CFAP74: variants seen among roughly 807,000 people sequenced by gnomAD.
CFAP74 encodes the protein cilia- and flagella-associated protein 74.
A neutral mutation model predicts 188.9 loss-of-function variants in CFAP74; 124 were observed. The ratio of observed to expected loss-of-function variants is 0.66; its 90% CI spans 0.57 to 0.76. The LOEUF (loss-of-function observed/expected upper bound fraction) is 0.76, where lower values mean the gene tolerates loss of function less well. CFAP74 is among the 30% of genes least tolerant of loss of function. The pLI is 0.00. For synonymous variants in CFAP74, 956 were observed against 916.7 expected (o/e 1.04, Z -0.77); for missense variants, 2,198 against 2,165.2 (o/e 1.02, Z -0.30).
At position 1,973,876 on chromosome 1, in the gene CFAP74, G is replaced by A; in HGVS notation, c.674+149C>T. ...GGAAGGACTCAAGGGCCCGGTGGAGGAGCAAGCTGGGAGGAGGCAGGGAGG... is the reference window on the plus strand; with the variant it reads ...GGAAGGACTCAAGGGCCCGGTGGAGAAGCAAGCTGGGAGGAGGCAGGGAGG... On this transcript the variant is annotated intron_variant, in intron 7 of 38. Coordinates refer to ENST00000682832, the MANE Select transcript of CFAP74 (RefSeq NM_001304360.2). The surrounding 1 kb of genome is among the most constrained non-coding windows in gnomAD (Gnocchi z 6.2). 1 of 700,318 alleles carries A rather than the reference G, an allele frequency of 1.4e-6. No homozygotes were observed. Among genetic ancestry groups the A allele is most frequent in the South Asian group, 2.7e-5 (1 of 36,904 alleles). 43.4% of individuals were successfully genotyped at this position (700,318 alleles called of 1,614,324 possible).
chr1:1,993,816 A>G (rs919403540), intron 1 of CFAP74, among the ~76,000 whole-genome samples: 1 of 93,606 alleles, frequency 1.1e-5, no homozygotes, highest in Non-Finnish European at 2.3e-5. Context: ...CCCCACCTCT[A>G]CTAAAAATAC....
intron 24 of CFAP74, 132 bp downstream of exon 24, chr1:1,939,462 G>A (rs1570861898): frequency 1.2e-6 from 1 of 863,316 alleles, no homozygotes. Context: ...AGGTGTGGAG[G>A]GGTGCAGCTG....
In CFAP74 at chr1:1,930,348, A is replaced by G. The variant is rs1039043108; in HGVS notation, c.3012-12T>C. On this transcript the variant is annotated splice_polypyrimidine_tract_variant and intron_variant, in intron 25 of 38. Transcript: ENST00000682832. ...ACAGCTTGAAGCACCTGCAAGCAGC[A>G]GCATGGGAGGCCCTCAGCCGTGCAG... 9.3e-6 allele frequency: 14 copies of G among 1,512,088 alleles called. No homozygotes were observed. The highest frequency in any genetic ancestry group is 3.4e-4 in the Middle Eastern group (2 of 5,884). 93.7% of individuals were successfully genotyped at this position (1,512,088 alleles called of 1,614,324 possible).
At chr1:1,992,027 G>A (rs557104466) in intron 1 of CFAP74, among the ~76,000 whole-genome samples, 243 of 145,864 alleles carry the variant, frequency 1.7e-3, no homozygotes, top group African/African-American at 6.0e-3. Context: ...GTGACAGAGC[G>A]AGACTCCGTC....
In CFAP74 at chr1:1,942,847, G is replaced by T. The variant is rs1217510543; in HGVS notation, c.2487-691C>A. ...ACAGCTGCCCCGGGCAATCCACGAG[G>T]GGGGACCCAGAGGGTGTGGCAGTGA... On this transcript the variant is annotated intron_variant, in intron 21 of 38. Coordinates refer to ENST00000682832, the MANE Select transcript of CFAP74 (RefSeq NM_001304360.2). The surrounding 1 kb of genome is among the most constrained non-coding windows in gnomAD (Gnocchi z 4.3). Among the ~76,000 whole-genome samples, 1 of 152,162 alleles carries T rather than the reference G, an allele frequency of 6.6e-6. No homozygotes were observed. The highest frequency in any genetic ancestry group is 1.5e-5 in the Non-Finnish European group (1 of 68,022).
In CFAP74 at chr1:1,986,958, G is replaced by A. The variant is rs1265562928; in HGVS notation, c.374C>T (p.Thr125Ile). The A allele has an allele frequency of 2.5e-6, 4 of 1,601,918 alleles. No individual in the cohort carries two copies. Among genetic ancestry groups the A allele is most frequent in the Middle Eastern group, 1.7e-4 (1 of 6,052 alleles). Residue 125 changes from threonine to isoleucine, a missense_variant, in exon 5 of 39, where the codon ACA becomes ATA. Coordinates refer to ENST00000682832, the MANE Select transcript of CFAP74 (RefSeq NM_001304360.2). The part of the protein sequence containing the change: ...QQEAVAAEIA[T>I]EEEAGNMAAV... ...CTACATGTTGCCCGCCTCTTCCTCTGTGGCGATCTCGGCTGCCACAGCCTC... is the reference window on the plus strand; with the variant it reads ...CTACATGTTGCCCGCCTCTTCCTCTATGGCGATCTCGGCTGCCACAGCCTC...
At chr1:1,965,193 GAGCTGGGAAGAGC>G in intron 12 of CFAP74, 132 bp from the exon 13 acceptor site, 1 of 840,156 alleles carries the variant, frequency 1.2e-6, no homozygotes, top group Non-Finnish European at 1.8e-6. Flanking sequence ...ACCAGCGCTG[GAGCTGGGAAGAGC>G]CCCATGGCCC....
At chr1:1,981,509 G>A (rs1261562503) in intron 6 of CFAP74, among the ~76,000 whole-genome samples, 2 of 113,274 alleles carry the variant, frequency 1.8e-5, no homozygotes, top group Admixed American at 8.6e-5. Flanking sequence ...ACCCAACCAC[G>A]GACAGACATG....
intron 17 of CFAP74, 126 bp downstream of exon 17, chr1:1,956,494 C>T (rs1654636971): frequency 8.6e-7 from 1 of 1,168,196 alleles, no homozygotes; most frequent in Non-Finnish European, 1.2e-6. Flanking sequence ...GAGGAGGCCC[C>T]CACACTGCCC....
chr1:1,971,877 T>C, intron 9 of CFAP74, 103 bp downstream of exon 9: 1 of 895,816 alleles, frequency 1.1e-6, no homozygotes, highest in South Asian at 1.4e-5. Flanking sequence ...GGGTCAGCCC[T>C]GGACGCCAGA....
At chr1:1,966,606 G>A (rs28712827) in intron 11 of CFAP74, 80 bp from the exon 12 acceptor site, 319,269 of 1,311,892 alleles carry the variant, frequency 0.24, 39,564 homozygotes, top group East Asian at 0.26. Flanking sequence ...AGCCCCCGCC[G>A]GTATGGCCCG....
chr1:1,960,148 C>A (rs375156344), intron 14 of CFAP74, 118 bp from the exon 15 acceptor site: 2 of 826,724 alleles, frequency 2.4e-6, no homozygotes, highest in Non-Finnish European at 3.8e-6. Flanking sequence ...CCGGGCCTGG[C>A]CCCCTGCCCA....
chr1:1,941,158 A>G (rs1037795078), intron 22 of CFAP74, among the ~76,000 whole-genome samples: 2 of 152,238 alleles, frequency 1.3e-5, no homozygotes, highest in African/African-American at 4.8e-5. Context: ...AAGTAAAATA[A>G]GAAAGAAAAA....
intron 38 of CFAP74, 53 bp from the exon 39 acceptor site, chr1:1,922,441 G>A: frequency 6.4e-7 from 1 of 1,560,690 alleles, no homozygotes; most frequent in East Asian, 2.3e-5. Flanking sequence ...GCACCCAGAG[G>A]AGATCTGCTG....
At chr1:1,971,417 G>GCA (rs1245536233) in intron 9 of CFAP74, among the ~76,000 whole-genome samples, 2 of 151,446 alleles carry the variant, frequency 1.3e-5, no homozygotes, top group Non-Finnish European at 2.9e-5. Flanking sequence ...ATGCACACAT[G>GCA]CACACACACA....
At chr1:1,962,887 A>AAAAAC (rs1279265461) in intron 14 of CFAP74, among the ~76,000 whole-genome samples, 3 of 152,072 alleles carry the variant, frequency 2.0e-5, no homozygotes, top group Non-Finnish European at 4.4e-5. Context: ...AGACCCTGTC[A>AAAAAC]AAAACAAAAC....
chr1:1,971,190 G>T (rs1232911552), intron 9 of CFAP74, among the ~76,000 whole-genome samples: 1 of 130,732 alleles, frequency 7.6e-6, no homozygotes, highest in Non-Finnish European at 1.6e-5. Context: ...CACGTGCACA[G>T]ACGTGCTTAC....
intron 25 of CFAP74, among the ~76,000 whole-genome samples, chr1:1,932,313 C>T (rs1292992773): frequency 1.3e-4 from 19 of 150,250 alleles, no homozygotes; most frequent in African/African-American, 4.9e-5. Flanking sequence ...AGGAGAATGG[C>T]GTGAACCCAG....
chr1:1,939,769 T>G lies in CFAP74; in HGVS notation c.2704-2A>C, dbSNP rs1047913075. The G allele has an allele frequency of 7.2e-6, 11 of 1,534,606 alleles. No homozygotes were observed. In the African/African-American group the frequency reaches 1.4e-4, roughly 19 times the overall value. On this transcript the variant is annotated splice_acceptor_variant, in intron 23 of 38. Transcript: ENST00000682832. LOFTEE classifies it high-confidence loss of function. Reference sequence around the variant, plus strand: ...CACGGTGAATCCCACTGGCTTGTTCTGAGACATAAAGGGCACAGGCGCCCT... The same window carrying G: ...CACGGTGAATCCCACTGGCTTGTTCGGAGACATAAAGGGCACAGGCGCCCT...
Sources: allele counts gnomAD v4.1 joint callset (sites outside exome capture counted in the v4.1 genomes callset), GRCh38; gene constraint gnomAD v4.1.1; non-coding constraint Gnocchi (gnomAD v3.1); transcripts MANE v1.5; gene names NCBI Gene and HGNC (gene_info 2026-07-23, HGNC 2026-07-21).